Variants in CSMD3 observed in about 807,000 individuals in gnomAD.
CSMD3 encodes CUB and sushi domain-containing protein 3.
Under a neutral mutation model 435.2 loss-of-function variants are expected in CSMD3, and 177 were observed. The ratio of observed to expected loss-of-function variants is 0.41; its 90% CI spans 0.36 to 0.46. CSMD3 has a LOEUF of 0.46. Among genes scored for constraint, CSMD3 ranks in the 20% least tolerant of loss-of-function variants. The pLI is 0.34. For missense variants in CSMD3, 4,265 were observed against 4,504.6 expected (o/e 0.95, Z 1.52); for synonymous variants, 1,656 against 1,520.5 (o/e 1.09, Z -2.07).
chr8:112,876,002 T>G (rs545659138), intron 10 of CSMD3, among the ~76,000 whole-genome samples: 1 of 152,230 alleles, frequency 6.6e-6, no homozygotes, highest in Admixed American at 6.5e-5. Context: ...GGCATTCTGG[T>G]TTTTAAATTT....
At chr8:112,999,773 G>A (rs2085794613) in intron 6 of CSMD3, among the ~76,000 whole-genome samples, 1 of 151,162 alleles carries the variant, frequency 6.6e-6, no homozygotes, top group African/African-American at 2.4e-5. Flanking sequence ...GCTGATATGA[G>A]AAAAAATGAG....
chr8:112,251,021 A>T (rs908126415), intron 63 of CSMD3, among the ~76,000 whole-genome samples: 1 of 151,752 alleles, frequency 6.6e-6, no homozygotes, highest in Admixed American at 6.6e-5. Flanking sequence ...GAACATTCTC[A>T]GTAAGCTCTA....
intron 10 of CSMD3, among the ~76,000 whole-genome samples, chr8:112,878,563 TG>T (rs1370169297): frequency 6.6e-6 from 1 of 152,170 alleles, no homozygotes; most frequent in Non-Finnish European, 1.5e-5. Context: ...ATCTCATTAC[TG>T]GGTATATACC....
At chr8:112,471,862 T>A (rs553610285) in intron 32 of CSMD3, among the ~76,000 whole-genome samples, 1 of 152,302 alleles carries the variant, frequency 6.6e-6, no homozygotes, top group East Asian at 1.9e-4. Context: ...ACTTTCAGCC[T>A]CTCTCTCACA....
intron 38 of CSMD3, among the ~76,000 whole-genome samples, chr8:112,369,380 C>A (rs1828101006): frequency 6.6e-6 from 1 of 151,908 alleles, no homozygotes; most frequent in Admixed American, 6.6e-5. Context: ...AATTTAGTTC[C>A]CCTTCTTTAA....
intron 13 of CSMD3, among the ~76,000 whole-genome samples, chr8:112,717,586 C>A (rs1459509503): frequency 1.3e-5 from 2 of 152,256 alleles, no homozygotes; most frequent in African/African-American, 4.8e-5. Flanking sequence ...GAATATAAAT[C>A]ATTCTACTAT....
At chr8:113,205,946 A>G (rs1427137448) in intron 3 of CSMD3, among the ~76,000 whole-genome samples, 1 of 152,000 alleles carries the variant, frequency 6.6e-6, no homozygotes, top group African/African-American at 2.4e-5. Context: ...TGTAGAATAG[A>G]AGCTGAAAAT....
At chr8:113,021,501 T>A (rs1504346) in intron 5 of CSMD3, among the ~76,000 whole-genome samples, 1 of 151,944 alleles carries the variant, frequency 6.6e-6, no homozygotes, top group East Asian at 1.9e-4. Flanking sequence ...CCAGATGTAA[T>A]GAGACTACAA....
intron 1 of CSMD3, among the ~76,000 whole-genome samples, chr8:113,414,793 T>A (rs2094574809): frequency 6.6e-6 from 1 of 151,828 alleles, no homozygotes; most frequent in Non-Finnish European, 1.5e-5. Flanking sequence ...AAACTCTTTC[T>A]CTACAAATAA....
intron 4 of CSMD3, among the ~76,000 whole-genome samples, chr8:113,111,044 A>C (rs1428328825): frequency 6.6e-6 from 1 of 152,134 alleles, no homozygotes; most frequent in Non-Finnish European, 1.5e-5. Context: ...ATCACCTCCC[A>C]AAAAGTCCAA....
At chr8:113,284,247 T>A (rs1056927039) in intron 2 of CSMD3, among the ~76,000 whole-genome samples, 1 of 152,118 alleles carries the variant, frequency 6.6e-6, no homozygotes, top group African/African-American at 2.4e-5. Context: ...AAGATGTCAG[T>A]GTTTGGGACT....
rs537829133 is a variant in CSMD3, at chr8:113,411,993, C to T, written c.178+24684G>A. On this transcript the variant is annotated intron_variant, in intron 1 of 70. Transcript: ENST00000297405. ...TTACTAGCTGTGTACCCAGGCAGGACGGTTAATGTCTTTTTGCTCTAGTTT... is the reference window on the plus strand; with the variant it reads ...TTACTAGCTGTGTACCCAGGCAGGATGGTTAATGTCTTTTTGCTCTAGTTT... Among the ~76,000 whole-genome samples, 38 of 152,020 alleles carry T rather than the reference C, an allele frequency of 2.5e-4. No individual in the cohort carries two copies. The South Asian group carries it at 6.2e-3, about 25-fold the overall frequency.
At chr8:112,396,674 CT>C (rs909957006) in intron 35 of CSMD3, among the ~76,000 whole-genome samples, 7 of 152,148 alleles carry the variant, frequency 4.6e-5, no homozygotes, top group African/African-American at 1.7e-4. Context: ...TAAAAGTTTG[CT>C]GAACACCTGT....
chr8:113,211,085 A>C (rs2092829258), intron 3 of CSMD3, among the ~76,000 whole-genome samples: 3 of 152,128 alleles, frequency 2.0e-5, no homozygotes. Flanking sequence ...CTACATCTTA[A>C]ACTTCTTCTA....
At chr8:113,181,262 T>A (rs2092418135) in intron 3 of CSMD3, among the ~76,000 whole-genome samples, 1 of 152,004 alleles carries the variant, frequency 6.6e-6, no homozygotes, top group Non-Finnish European at 1.5e-5. Context: ...AGTCTCAGGG[T>A]AAGATGCATA....
chr8:113,256,426 A>G (rs2093381277), intron 3 of CSMD3, among the ~76,000 whole-genome samples: 1 of 152,190 alleles, frequency 6.6e-6, no homozygotes, highest in South Asian at 2.1e-4. Context: ...GCCACTGCCA[A>G]ATTAACTAAA....
intron 4 of CSMD3, among the ~76,000 whole-genome samples, chr8:113,153,457 G>T (rs1343456910): frequency 6.6e-6 from 1 of 152,030 alleles, no homozygotes; most frequent in Admixed American, 6.6e-5. Flanking sequence ...TTGATAATGG[G>T]CAGTGGGACT....
intron 4 of CSMD3, among the ~76,000 whole-genome samples, chr8:113,152,291 C>A (rs1178914389): frequency 6.6e-6 from 1 of 151,946 alleles, no homozygotes; most frequent in African/African-American, 2.4e-5. Flanking sequence ...ACTTATGTAA[C>A]TTTTAAAAGC....
intron 13 of CSMD3, among the ~76,000 whole-genome samples, chr8:112,750,699 G>C (rs553043606): frequency 6.6e-6 from 1 of 152,030 alleles, no homozygotes; most frequent in South Asian, 2.1e-4. Flanking sequence ...AATAGTAGGA[G>C]ACATGATCAG....
Sources: gnomAD v4.1 joint callset for allele counts (sites outside exome capture counted in the v4.1 genomes callset) on GRCh38, gnomAD v4.1.1 for gene constraint, MANE v1.5 for transcripts, NCBI Gene and HGNC (gene_info 2026-07-23, HGNC 2026-07-21) for gene names.